CKB: variants seen among roughly 807,000 people sequenced by gnomAD.
CKB encodes creatine kinase B.
A neutral mutation model predicts 36.9 loss-of-function variants in CKB; 15 were observed. The observed-to-expected ratio is 0.41, with a 90% CI of 0.27 to 0.63. CKB has a LOEUF of 0.63. CKB is among the 20% of genes least tolerant of loss of function. The pLI, the probability that CKB is intolerant of heterozygous loss-of-function variation, is 0.34. For synonymous variants in CKB, 250 were observed against 228.2 expected, an observed-to-expected ratio of 1.10 and a Z score of -0.86; for missense variants, 413 against 534.9, an observed-to-expected ratio of 0.77 and a Z score of 2.25.
At position 103,520,046 on chromosome 14, in the gene CKB, G is replaced by A. The variant is rs1408830896; in HGVS notation, c.968-4C>T. 4 of 1,609,722 alleles carry A rather than the reference G, an allele frequency of 2.5e-6. No homozygotes were observed. Among genetic ancestry groups the A allele is most frequent in the Non-Finnish European group, 3.4e-6 (4 of 1,179,596 alleles). ...ACCGCAGCCGTGTCCACACCGCCTG[G>A]GGAGACAGCAAGTCAGGGCGGAGGA... On this transcript the variant is annotated splice_polypyrimidine_tract_variant and splice_region_variant and intron_variant, in intron 7 of 7. Transcript: ENST00000348956.
Position 103,521,259 on chromosome 14 carries a change from G to A in CKB, c.653+4C>T, listed in dbSNP as rs777417115. The A allele has an allele frequency of 6.3e-6, 10 of 1,587,668 alleles. No individual in the cohort carries two copies. The South Asian group carries it at 1.1e-4, about 18-fold the overall frequency. On this transcript the variant is annotated splice_donor_region_variant and intron_variant, in intron 5 of 7. Coordinates refer to ENST00000348956, the MANE Select transcript of CKB (RefSeq NM_001823.5). ...GCCGCGAGAGGGCGCAGAGGGACAC[G>A]CACCAGATACCGCGGGCGTCGGGCC...
intron 4 of CKB, 50 bp from the exon 5 acceptor site, chr14:103,521,484 C>A (rs750103975): frequency 7.0e-7 from 1 of 1,438,656 alleles, no homozygotes; most frequent in Non-Finnish European, 9.1e-7. Context: ...GCCCCTCCAG[C>A]CCGCAGCGCG....
rs775827788 is a variant in CKB, at chr14:103,521,985, C to T, written c.349-35G>A. 3.6e-5 allele frequency: 56 copies of T among 1,546,590 alleles called. No individual in the cohort carries two copies. In the African/African-American group the frequency reaches 6.0e-4, roughly 17 times the overall value. On this transcript the variant is annotated intron_variant, in intron 3 of 7. Transcript: ENST00000348956. ...GAGACGGGAGTGAGCGCCCGAAGAC[C>T]CCGGCCCCGCCCGCCCGGCCCGCCC...
In CKB at chr14:103,522,035, G is replaced by C. The variant is rs762206402; in HGVS notation, c.336C>G (p.Pro112=). ...CGCAGCCCCGCACCTGCAGGTTGTC[G>C]GGGTTGAGGTCGGTCTTGTGCTCAT... is the stretch of plus-strand genomic sequence containing the variant. ...PSDEHKTDLN[P]DNLQGGDDLD... is the part of the protein sequence containing the mutation. The change falls in exon 3 of 8, where the codon CCC becomes CCG. Residue 112 remains proline (P), a synonymous_variant. Coordinates refer to ENST00000348956, the MANE Select transcript of CKB (RefSeq NM_001823.5). The surrounding 1 kb of genome is among the most constrained non-coding windows in gnomAD (Gnocchi z 6.7). The C allele has an allele frequency of 8.4e-6, 13 of 1,548,452 alleles. No homozygotes were observed. Among genetic ancestry groups the C allele is most frequent in the South Asian group, 4.8e-5 (4 of 84,056 alleles).
intron 5 of CKB, 146 bp downstream of exon 5, chr14:103,521,117 A>C: frequency 9.8e-7 from 1 of 1,016,182 alleles, no homozygotes. Flanking sequence ...GCGGCACGGA[A>C]CCCAGACCCG....
At position 103,522,489 on chromosome 14, in the gene CKB, G is replaced by A. The variant is rs1449648424; in HGVS notation, c.5C>T (p.Pro2Leu). 9.4e-6 allele frequency: 15 copies of A among 1,599,502 alleles called. No individual in the cohort carries two copies. The highest frequency in any genetic ancestry group is 1.2e-5 in the Non-Finnish European group (14 of 1,176,148). ...CAGTGCGTTGTGGCTGTTGGAGAAGGGCATGGCGGCGGCGGGCTGCGGGGA... is the reference window on the plus strand; with the variant it reads ...CAGTGCGTTGTGGCTGTTGGAGAAGAGCATGGCGGCGGCGGGCTGCGGGGA... M[P>L]FSNSHNALKL... The change falls in exon 2 of 8, where the codon CCC (proline) becomes CTC (leucine). Residue 2 changes from proline to leucine, a missense_variant. By Grantham distance (98) the Pro-to-Leu change is moderately conservative. Coordinates refer to ENST00000348956, the MANE Select transcript of CKB (RefSeq NM_001823.5). The surrounding 1 kb of genome is among the most constrained non-coding windows in gnomAD (Gnocchi z 6.7).
chr14:103,520,813 C>T (rs1485139535), intron 5 of CKB: 3 of 626,794 alleles, frequency 4.8e-6, no homozygotes, highest in Non-Finnish European at 7.8e-6. Context: ...TGAGGTGGGG[C>T]GGGGCCAGGG....
At chr14:103,521,782 C>T (rs2075903156) in intron 4 of CKB, 36 bp downstream of exon 4, 12 of 1,353,842 alleles carry the variant, frequency 8.9e-6, no homozygotes, top group Non-Finnish European at 1.1e-5. Flanking sequence ...GAGGGGGACG[C>T]GGCCGCCGCC....
chr14:103,521,543 C>G (rs1487766413), intron 4 of CKB, 109 bp from the exon 5 acceptor site: 1 of 1,142,990 alleles, frequency 8.7e-7, no homozygotes, highest in Non-Finnish European at 1.2e-6. Flanking sequence ...GAGGGCCCCA[C>G]CCGCCCGGAT....
rs956567144 is a variant in CKB, at chr14:103,522,665, G to T, written c.-13+101C>A. ...CGCGGGGAGCGCCATCATCGCCGGG[G>T]ACCCCCGGCCGGTCCGGCGCGCGCT... is the stretch of plus-strand genomic sequence containing the variant. On this transcript the variant is annotated intron_variant, in intron 1 of 7. Coordinates refer to ENST00000348956, the MANE Select transcript of CKB (RefSeq NM_001823.5). The surrounding 1 kb of genome is among the most constrained non-coding windows in gnomAD (Gnocchi z 6.7). 3.8e-5 allele frequency: 10 copies of T among 263,160 alleles called. No individual in the cohort carries two copies. Among genetic ancestry groups the T allele is most frequent in the African/African-American group, 2.1e-4 (9 of 43,178 alleles). 16.3% of individuals were successfully genotyped at this position (263,160 alleles called of 1,614,324 possible). A position where few individuals can be genotyped will look rare whatever the true frequency, so the allele number is the denominator to read the frequency against.
intron 5 of CKB, chr14:103,520,872 G>A (rs2075895228): frequency 2.0e-6 from 1 of 511,534 alleles, no homozygotes; most frequent in Non-Finnish European, 3.5e-6. Flanking sequence ...TAGGAGCCCT[G>A]CCCCTGGAGA....
intron 5 of CKB, 72 bp from the exon 6 acceptor site, chr14:103,520,664 C>G: frequency 1.3e-6 from 2 of 1,521,196 alleles, no homozygotes; most frequent in Non-Finnish European, 1.8e-6. Flanking sequence ...AGGAACTTCC[C>G]AAGTCCCTGA....
rs564433944 is a variant in CKB, at chr14:103,519,667, G to A, written c.*197C>T. The stretch of plus-strand genomic sequence containing the variant: ...AAAGGAGAGGCACCACTCAGACGCA[G>A]GCAGGCCAAAACCCTAGTTTATTTC... On this transcript the variant is annotated 3_prime_UTR_variant, in exon 8 of 8. Coordinates refer to ENST00000348956, the MANE Select transcript of CKB (RefSeq NM_001823.5). 1.7e-6 allele frequency: 1 copy of A among 592,990 alleles called. No homozygotes were observed. Among genetic ancestry groups the A allele is most frequent in the East Asian group, 3.1e-5 (1 of 32,288 alleles). The allele number at this position is 592,990 out of a possible 1,614,324, so 36.7% of individuals were successfully genotyped here. A position where few individuals can be genotyped will look rare whatever the true frequency, so the allele number is the denominator to read the frequency against.
chr14:103,521,492 G>C, intron 4 of CKB, 58 bp from the exon 5 acceptor site: 1 of 1,403,154 alleles, frequency 7.1e-7, no homozygotes, highest in South Asian at 1.5e-5. Context: ...AGCCCGCAGC[G>C]CGGACCCGCC....
At chr14:103,520,903 C>G (rs2075895449) in intron 5 of CKB, among the ~76,000 whole-genome samples, 1 of 152,194 alleles carries the variant, frequency 6.6e-6, no homozygotes, top group Non-Finnish European at 1.5e-5. Flanking sequence ...TCACCAGCCC[C>G]TGGTAGAATC....
At chr14:103,520,418 C>A (rs375018448) in intron 6 of CKB, 51 bp downstream of exon 6, 12 of 1,590,852 alleles carry the variant, frequency 7.5e-6, no homozygotes, top group Non-Finnish European at 9.4e-6. Flanking sequence ...TGCTGGGGCA[C>A]CCACATCCCT....
chr14:103,521,094 C>T, intron 5 of CKB, 169 bp downstream of exon 5: 1 of 859,406 alleles, frequency 1.2e-6, no homozygotes, highest in Non-Finnish European at 1.9e-6. Context: ...AGGTCACCGG[C>T]GCAGGAGGAG....
intron 4 of CKB, 32 bp from the exon 5 acceptor site, chr14:103,521,466 C>T (rs763157009): frequency 6.8e-7 from 1 of 1,479,542 alleles, no homozygotes; most frequent in Non-Finnish European, 8.9e-7. Context: ...CGCTCGGCTC[C>T]CGCGCCCGCC....
chr14:103,522,549 T>A lies in CKB; in HGVS notation c.-12-44A>T. 1.5e-6 allele frequency: 1 copy of A among 671,486 alleles called. No homozygotes were observed. Among genetic ancestry groups the A allele is most frequent in the Non-Finnish European group, 2.2e-6 (1 of 460,182 alleles). 41.6% of individuals were successfully genotyped at this position (671,486 alleles called of 1,614,324 possible). A position where few individuals can be genotyped will look rare whatever the true frequency, so the allele number is the denominator to read the frequency against. On this transcript the variant is annotated intron_variant, in intron 1 of 7. Transcript: ENST00000348956. The surrounding 1 kb of genome is among the most constrained non-coding windows in gnomAD (Gnocchi z 6.7). Reference sequence around the variant, plus strand: ...TCAGAGGGGACCGGCACGCCGGGGTTCCCGGGCTCCCGCGTACCACTCAGG... The same window carrying A: ...TCAGAGGGGACCGGCACGCCGGGGTACCCGGGCTCCCGCGTACCACTCAGG...
Sources: allele counts gnomAD v4.1 joint callset (sites outside exome capture counted in the v4.1 genomes callset), GRCh38; gene constraint gnomAD v4.1.1; non-coding constraint Gnocchi (gnomAD v3.1); transcripts MANE v1.5; gene names NCBI Gene and HGNC (gene_info 2026-07-23, HGNC 2026-07-21).